Variants in CACNA1A observed in about 807,000 individuals in gnomAD.
CACNA1A encodes voltage-dependent P/Q-type calcium channel subunit alpha-1A.
CACNA1A carries 57 observed loss-of-function variants against 262.4 expected under a neutral mutation model. The ratio of observed to expected loss-of-function variants is 0.22; its 90% CI spans 0.18 to 0.27. The LOEUF is 0.27. CACNA1A is among the 10% of genes least tolerant of loss of function. The probability of loss-of-function intolerance (pLI) is 1.00; values close to 1 mark genes in which losing one functional copy is unlikely to be tolerated. For synonymous variants in CACNA1A, 1,431 were observed against 1,419.3 expected (o/e 1.01, Z -0.18); for missense variants, 2,526 against 3,562.8 (o/e 0.71, Z 7.41).
At chr19:13,382,205 T>A (rs1202542844) in intron 3 of CACNA1A, among the ~76,000 whole-genome samples, 1 of 152,040 alleles carries the variant, frequency 6.6e-6, no homozygotes, top group African/African-American at 2.4e-5. Flanking sequence ...AAAGAGGGAA[T>A]GATTACAGCC....
At chr19:13,445,226 C>A (rs1417352333) in intron 3 of CACNA1A, among the ~76,000 whole-genome samples, 1 of 152,110 alleles carries the variant, frequency 6.6e-6, no homozygotes, top group African/African-American at 2.4e-5. Context: ...GTGTCTTTTC[C>A]TTGCCTCTGA....
intron 3 of CACNA1A, among the ~76,000 whole-genome samples, chr19:13,402,920 G>C (rs1190820736): frequency 4.9e-5 from 5 of 101,182 alleles, no homozygotes; most frequent in African/African-American, 1.7e-4. Flanking sequence ...ATATATACTT[G>C]CAAGTGAAAC....
Position 13,286,920 on chromosome 19 carries a change from T to C in CACNA1A, c.3136A>G (p.Thr1046Ala), listed in dbSNP as rs1600246577. The change falls in exon 20 of 47, where the codon ACC becomes GCC. Residue 1046 changes from threonine to alanine, a missense_variant. Thr to Ala is a moderately conservative substitution (Grantham distance 58). Coordinates refer to ENST00000360228, the MANE Select transcript of CACNA1A (RefSeq NM_001127222.2). ...GVPVSGPNLSTTRPIQQDLGR... is the reference protein window; with the variant it reads ...GVPVSGPNLSATRPIQQDLGR... ...AGGTCCTGCTGGATTGGCCGGGTGG[T>C]TGACAGGTTGGGGCCCGACACAGGG... 2 of 1,612,110 alleles carry C rather than the reference T, an allele frequency of 1.2e-6. No individual in the cohort carries two copies. Among genetic ancestry groups the C allele is most frequent in the Non-Finnish European group, 1.7e-6 (2 of 1,179,162 alleles).
At chr19:13,276,991 C>T (rs886413604) in intron 23 of CACNA1A, 78 bp downstream of exon 23, 72 of 922,966 alleles carry the variant, frequency 7.8e-5, no homozygotes, top group Admixed American at 1.9e-4. Flanking sequence ...GGATTACAGG[C>T]ATGATCCACT....
rs776664699 is a variant in CACNA1A at position 13,212,529 on chromosome 19, G to T, written c.6051-7C>A. The T allele has an allele frequency of 1.3e-6, 2 of 1,560,728 alleles. No homozygotes were observed. The highest frequency in any genetic ancestry group is 1.4e-5 in the African/African-American group (1 of 73,704). ...GCCGCTTTCGTGAGCCATCCTGCAT[G>T]GGGGACAGAGGCCGGGGTAGCAGTG... On this transcript the variant is annotated splice_region_variant and splice_polypyrimidine_tract_variant and intron_variant, in intron 41 of 46. Transcript: ENST00000360228. This position sits in a 1 kb window ranked among gnomAD's most constrained non-coding sequence, Gnocchi z 5.6.
chr19:13,220,690 C>A lies in CACNA1A; in HGVS notation c.5731+3977G>T, dbSNP rs922442822. 4.6e-5 allele frequency among the ~76,000 whole-genome samples: 7 copies of A among 152,260 alleles called. No individual in the cohort carries two copies. The South Asian group carries it at 1.5e-3, about 32-fold the overall frequency. Reference sequence around the variant, plus strand: ...CTTAAGCTGCTATGTCTGTGGTCATCATATAGCTCACTGCAGCCTTGACAT... The same window carrying A: ...CTTAAGCTGCTATGTCTGTGGTCATAATATAGCTCACTGCAGCCTTGACAT... On this transcript the variant is annotated intron_variant, in intron 38 of 46. Coordinates refer to ENST00000360228, the MANE Select transcript of CACNA1A (RefSeq NM_001127222.2).
At chr19:13,478,182 C>T (rs1020322144) in intron 1 of CACNA1A, among the ~76,000 whole-genome samples, 2 of 152,104 alleles carry the variant, frequency 1.3e-5, no homozygotes, top group Admixed American at 6.6e-5. Flanking sequence ...CCCGCCCCCA[C>T]AAAATAAACA....
chr19:13,328,705 A>C (rs1056153941), intron 10 of CACNA1A, among the ~76,000 whole-genome samples: 3 of 152,092 alleles, frequency 2.0e-5, no homozygotes, highest in Non-Finnish European at 4.4e-5. Context: ...CAACTCAAAC[A>C]CCCTATAATA....
At chr19:13,438,513 G>A (rs1044594409) in intron 3 of CACNA1A, among the ~76,000 whole-genome samples, 1 of 152,260 alleles carries the variant, frequency 6.6e-6, no homozygotes, top group Non-Finnish European at 1.5e-5. Context: ...GCTGGAGGGT[G>A]AAAGACCATA....
chr19:13,426,045 G>A (rs1278947591), intron 3 of CACNA1A, among the ~76,000 whole-genome samples: 5 of 152,004 alleles, frequency 3.3e-5, no homozygotes, highest in African/African-American at 4.8e-5. Flanking sequence ...GCAACCAAGC[G>A]AGACTCTGTC....
intron 6 of CACNA1A, among the ~76,000 whole-genome samples, chr19:13,347,495 G>A (rs1237352272): frequency 1.3e-5 from 2 of 152,036 alleles, no homozygotes; most frequent in Non-Finnish European, 2.9e-5. Flanking sequence ...ACAAACTACA[G>A]CCCGCGGGCC....
intron 6 of CACNA1A, among the ~76,000 whole-genome samples, chr19:13,354,678 C>T (rs2058974256): frequency 6.6e-6 from 1 of 152,112 alleles, no homozygotes. Flanking sequence ...GCTACACACA[C>T]AAAAATGTTT....
chr19:13,208,971 C>G lies in CACNA1A; in HGVS notation c.6565G>C (p.Asp2189His). 2 of 1,537,462 alleles carry G rather than the reference C, an allele frequency of 1.3e-6. No individual in the cohort carries two copies. The highest frequency in any genetic ancestry group is 8.7e-7 in the Non-Finnish European group (1 of 1,146,878). The change falls in exon 46 of 47, where the codon GAC (aspartate) becomes CAC (histidine). Residue 2189 changes from aspartate (D) to histidine (H), a missense_variant. Physicochemically the swap from Asp to His is moderately conservative, Grantham distance 81. Around this residue, in one of 17 missense-constraint regions of CACNA1A, gnomAD observed 929 missense variants for 868.1 expected, o/e 1.07. Transcript: ENST00000360228. The stretch of plus-strand genomic sequence containing the variant: ...TGGTCCCGCTCCTTCGACGGCAGGT[C>G]CCCGGATTGGGTGGTCATGCTCAGG... ...TDLSMTTQSG[D>H]LPSKERDQER...
intron 3 of CACNA1A, among the ~76,000 whole-genome samples, chr19:13,383,355 T>A (rs191011176): frequency 3.3e-5 from 5 of 152,166 alleles, no homozygotes; most frequent in Non-Finnish European, 5.9e-5. Flanking sequence ...ATGAAGTTGC[T>A]GTCAATGGAG....
At chr19:13,258,781 T>C (rs1371444950) in intron 27 of CACNA1A, 1 of 152,018 alleles carries the variant, frequency 6.6e-6, no homozygotes, top group Non-Finnish European at 1.5e-5. Context: ...AGAAAGACCA[T>C]TACTTGGACG....
chr19:13,290,748 T>TACATAC (rs1356681777), intron 19 of CACNA1A, among the ~76,000 whole-genome samples: 2 of 150,840 alleles, frequency 1.3e-5, no homozygotes, highest in East Asian at 3.9e-4. Flanking sequence ...TGTATATATA[T>TACATAC]ACATACACAT....
At chr19:13,330,395 T>A in intron 9 of CACNA1A, 62 bp from the exon 10 acceptor site, 4 of 1,149,204 alleles carry the variant, frequency 3.5e-6, no homozygotes, top group Non-Finnish European at 5.1e-6. Flanking sequence ...ACAGACCATA[T>A]GGACACAGTG....
At chr19:13,317,005 C>A in intron 11 of CACNA1A, 107 bp downstream of exon 11, 1 of 700,836 alleles carries the variant, frequency 1.4e-6, no homozygotes, top group South Asian at 2.0e-5. Flanking sequence ...AGGGCAGATT[C>A]AATGAGGACC....
chr19:13,410,457 C>T (rs535035434), intron 3 of CACNA1A, among the ~76,000 whole-genome samples: 1 of 151,866 alleles, frequency 6.6e-6, no homozygotes, highest in East Asian at 1.9e-4. Flanking sequence ...GTCTCAAATT[C>T]CCGAGGTCTC....
Sources: allele counts gnomAD v4.1 joint callset (sites outside exome capture counted in the v4.1 genomes callset), GRCh38; gene constraint gnomAD v4.1.1; regional missense constraint gnomAD v4.1.1; non-coding constraint Gnocchi (gnomAD v3.1); transcripts MANE v1.5; gene names NCBI Gene and HGNC (gene_info 2026-07-23, HGNC 2026-07-21).